The following CLSTN2 variants were observed in gnomAD, a reference collection of about 807,000 sequenced individuals.
The protein encoded by CLSTN2 is calsyntenin 2, also known as calsyntenin-2.
CLSTN2 carries 48 observed loss-of-function variants against 101.2 expected under a neutral mutation model. The observed-to-expected ratio is 0.47, with a 90% CI of 0.38 to 0.60. The LOEUF is 0.60. Among genes scored for constraint, CLSTN2 ranks in the 20% least tolerant of loss-of-function variants. The probability of loss-of-function intolerance (pLI) is 0.00; values close to 1 mark genes in which losing one functional copy is unlikely to be tolerated. For missense variants in CLSTN2, 1,160 were observed against 1,238.2 expected (o/e 0.94, Z 0.95); for synonymous variants, 481 against 463.6 (o/e 1.04, Z -0.48).
At chr3:140,191,399 G>A (rs2107836437) in intron 2 of CLSTN2, among the ~76,000 whole-genome samples, 1 of 152,082 alleles carries the variant, frequency 6.6e-6, no homozygotes, top group East Asian at 1.9e-4. Context: ...CTAGTTTTAT[G>A]TCAGAGTAAT....
At chr3:139,947,542 G>T (rs1381301826) in intron 1 of CLSTN2, among the ~76,000 whole-genome samples, 1 of 152,294 alleles carries the variant, frequency 6.6e-6, no homozygotes, top group East Asian at 1.9e-4. Context: ...TTTTTTCTAT[G>T]ATGCTTTTAT....
At chr3:140,361,987 T>C (rs1576532637) in intron 2 of CLSTN2, among the ~76,000 whole-genome samples, 1 of 152,116 alleles carries the variant, frequency 6.6e-6, no homozygotes, top group East Asian at 1.9e-4. Context: ...ATTTTGGAAA[T>C]GCAAAGGATC....
intron 8 of CLSTN2, among the ~76,000 whole-genome samples, chr3:140,483,962 A>T (rs894646760): frequency 2.6e-5 from 4 of 152,112 alleles, no homozygotes; most frequent in Admixed American, 2.6e-4. Flanking sequence ...GCCCATTTAC[A>T]TTTAAGGTTA....
intron 2 of CLSTN2, among the ~76,000 whole-genome samples, chr3:140,369,130 T>C (rs1359761789): frequency 6.6e-6 from 1 of 152,214 alleles, no homozygotes; most frequent in East Asian, 1.9e-4. Context: ...AGCTTGTTTT[T>C]AAATAAATAA....
intron 8 of CLSTN2, among the ~76,000 whole-genome samples, chr3:140,502,584 T>C (rs1559887866): frequency 1.3e-5 from 2 of 152,236 alleles, no homozygotes; most frequent in Admixed American, 6.5e-5. Flanking sequence ...ATAAACACTC[T>C]TCAAAATACT....
At chr3:140,094,815 T>C (rs975997308) in intron 1 of CLSTN2, among the ~76,000 whole-genome samples, 12 of 152,196 alleles carry the variant, frequency 7.9e-5, no homozygotes, top group African/African-American at 2.9e-4. Context: ...TTGGCAATTT[T>C]CTGAAGTCTG....
intron 1 of CLSTN2, among the ~76,000 whole-genome samples, chr3:140,131,760 G>A (rs1285529690): frequency 6.6e-6 from 1 of 152,108 alleles, no homozygotes; most frequent in African/African-American, 2.4e-5. Context: ...GCAAAGCATG[G>A]CACAGACAGC....
chr3:140,225,778 A>T (rs1164794324), intron 2 of CLSTN2, among the ~76,000 whole-genome samples: 4 of 152,160 alleles, frequency 2.6e-5, no homozygotes, highest in African/African-American at 9.7e-5. Context: ...TACAGGCATG[A>T]GCCACTGCAC....
At chr3:139,961,177 A>T (rs1390716217) in intron 1 of CLSTN2, among the ~76,000 whole-genome samples, 6 of 152,162 alleles carry the variant, frequency 3.9e-5, no homozygotes, top group Admixed American at 1.3e-4. Flanking sequence ...ACTCAGCCAA[A>T]GTTAGTCCTT....
chr3:140,496,432 T>G (rs1036614995), intron 8 of CLSTN2, among the ~76,000 whole-genome samples: 1 of 152,224 alleles, frequency 6.6e-6, no homozygotes, highest in Non-Finnish European at 1.5e-5. Flanking sequence ...TGACTTCCTC[T>G]CTTTCTATTT....
At chr3:140,432,814 CT>C (rs1372546659) in intron 5 of CLSTN2, among the ~76,000 whole-genome samples, 7 of 152,176 alleles carry the variant, frequency 4.6e-5, no homozygotes, top group Non-Finnish European at 8.8e-5. Flanking sequence ...TGTGGGCAGA[CT>C]TCACTCATCC....
intron 9 of CLSTN2, among the ~76,000 whole-genome samples, chr3:140,540,049 ACTG>A (rs1935442814): frequency 6.6e-6 from 1 of 152,136 alleles, no homozygotes; most frequent in Admixed American, 6.6e-5. Context: ...GAACCTTCCT[ACTG>A]CTGCTTATTT....
At chr3:140,547,755 G>T (rs1559901149) in intron 10 of CLSTN2, among the ~76,000 whole-genome samples, 1 of 152,062 alleles carries the variant, frequency 6.6e-6, no homozygotes, top group Non-Finnish European at 1.5e-5. Flanking sequence ...TGCCCATGAG[G>T]TCCTGAATAA....
intron 2 of CLSTN2, among the ~76,000 whole-genome samples, chr3:140,349,280 G>A (rs1440706206): frequency 1.3e-5 from 2 of 152,120 alleles, no homozygotes; most frequent in Non-Finnish European, 2.9e-5. Context: ...ACCCAGTCTC[G>A]GGCAGTTTTT....
rs539222906 is a variant in CLSTN2 at position 140,141,857 on chromosome 3, C to A, written c.110-34094C>A. 2.6e-4 allele frequency among the ~76,000 whole-genome samples: 39 copies of A among 152,372 alleles called. 1 individual carries two copies. Among genetic ancestry groups the A allele is most frequent in the African/African-American group, 9.1e-4 (38 of 41,590 alleles). ...CCACCAAGCTCCCTGCCACAGAGGG[C>A]TTTTGCTTCACTCCCTGGAGGGAGT... On this transcript the variant is annotated intron_variant, in intron 1 of 16. Coordinates refer to ENST00000458420, the MANE Select transcript of CLSTN2 (RefSeq NM_022131.3).
intron 1 of CLSTN2, among the ~76,000 whole-genome samples, chr3:140,017,568 A>C (rs1489009629): frequency 6.6e-6 from 1 of 152,196 alleles, no homozygotes; most frequent in East Asian, 1.9e-4. Context: ...CTCCACCTCC[A>C]GGCACATGTG....
At chr3:140,315,378 T>C (rs1262008169) in intron 2 of CLSTN2, among the ~76,000 whole-genome samples, 2 of 152,214 alleles carry the variant, frequency 1.3e-5, no homozygotes. Flanking sequence ...AGAAACTGTG[T>C]CAGCCCTAAT....
chr3:140,305,321 T>A (rs1050645348), intron 2 of CLSTN2, among the ~76,000 whole-genome samples: 26 of 152,158 alleles, frequency 1.7e-4, no homozygotes, highest in African/African-American at 6.0e-4. Flanking sequence ...CATCTCTTAA[T>A]ACTTTCAGAA....
intron 2 of CLSTN2, among the ~76,000 whole-genome samples, chr3:140,278,272 G>T (rs1398707856): frequency 1.3e-5 from 2 of 152,184 alleles, no homozygotes; most frequent in Admixed American, 6.5e-5. Flanking sequence ...TTATTCTGAG[G>T]TATGCATGGT....
Sources: gnomAD v4.1 joint callset for allele counts (sites outside exome capture counted in the v4.1 genomes callset) on GRCh38, gnomAD v4.1.1 for gene constraint, MANE v1.5 for transcripts, NCBI Gene and HGNC (gene_info 2026-07-23, HGNC 2026-07-21) for gene names.